Variants in MAST4 observed in about 807,000 individuals in gnomAD.
MAST4 encodes the protein microtubule associated serine/threonine kinase family member 4, also known as microtubule-associated serine/threonine-protein kinase 4.
A neutral mutation model predicts 162.7 loss-of-function variants in MAST4; 89 were observed. That is an observed-to-expected ratio of 0.55 (90% CI 0.46 to 0.65). The LOEUF is 0.65. Ranked by LOEUF, MAST4 falls within the 30% of genes least tolerant of loss-of-function variation. The pLI, the probability that MAST4 is intolerant of heterozygous loss-of-function variation, is 0.00. For missense variants in MAST4, 3,153 were observed against 3,374.0 expected, an observed-to-expected ratio of 0.93 and a Z score of 1.62; for synonymous variants, 1,479 against 1,361.1, an observed-to-expected ratio of 1.09 and a Z score of -1.91.
At chr5:66,784,945 G>A (rs750302353) in intron 2 of MAST4, among the ~76,000 whole-genome samples, 13 of 152,226 alleles carry the variant, frequency 8.5e-5, no homozygotes, top group South Asian at 2.1e-4. Context: ...TGAGCATAGC[G>A]GCTCATGCCT....
intron 3 of MAST4, among the ~76,000 whole-genome samples, chr5:66,813,388 C>T (rs1280554043): frequency 6.6e-6 from 1 of 152,118 alleles, no homozygotes; most frequent in Non-Finnish European, 1.5e-5. Flanking sequence ...GTGTATTTTT[C>T]CCTCCTTCAA....
rs1277714381 is a variant in MAST4, at chr5:66,788,773, G to A, written c.621G>A (p.Ala207=). The stretch of plus-strand genomic sequence containing the variant: ...GCAGCCAGGCCCTGGGCCAGTCGGC[G>A]CCCTCGCTCACCGCCAGCCTGGTGA... ...RMRSQALGQS[A]PSLTASLKEL... The change falls in exon 3 of 29, where the codon GCG becomes GCA. Residue 207 remains alanine (A), a synonymous_variant. Coordinates refer to ENST00000403625, the MANE Select transcript of MAST4 (RefSeq NM_001164664.2). 4.4e-6 allele frequency: 7 copies of A among 1,597,466 alleles called. No homozygotes were observed. The highest frequency in any genetic ancestry group is 1.1e-5 in the South Asian group (1 of 89,318).
At chr5:66,612,696 C>A (rs1743372031) in intron 1 of MAST4, among the ~76,000 whole-genome samples, 1 of 152,102 alleles carries the variant, frequency 6.6e-6, no homozygotes, top group Non-Finnish European at 1.5e-5. Flanking sequence ...GGGAGGGAAC[C>A]AACCTGATGG....
At chr5:67,098,428 T>C (rs1181685898) in intron 7 of MAST4, among the ~76,000 whole-genome samples, 1 of 152,176 alleles carries the variant, frequency 6.6e-6, no homozygotes. Flanking sequence ...TACTACAGAA[T>C]TGTATCAGTA....
At chr5:67,036,429 T>G (rs1045956869) in intron 4 of MAST4, among the ~76,000 whole-genome samples, 1 of 152,214 alleles carries the variant, frequency 6.6e-6, no homozygotes, top group African/African-American at 2.4e-5. Flanking sequence ...ATCACTATTA[T>G]GATTTATGTA....
chr5:66,679,355 A>G (rs942928885), intron 1 of MAST4, among the ~76,000 whole-genome samples: 5 of 151,994 alleles, frequency 3.3e-5, no homozygotes, highest in Admixed American at 2.6e-4. Flanking sequence ...AGTGGGGACA[A>G]CTCCTCAGTT....
At chr5:66,839,047 C>A (rs1003103289) in intron 3 of MAST4, among the ~76,000 whole-genome samples, 1 of 152,098 alleles carries the variant, frequency 6.6e-6, no homozygotes, top group African/African-American at 2.4e-5. Context: ...GTAGATGATG[C>A]TGCTGGACCG....
At chr5:66,912,774 T>G (rs1328001070) in intron 4 of MAST4, among the ~76,000 whole-genome samples, 1 of 152,212 alleles carries the variant, frequency 6.6e-6, no homozygotes, top group Non-Finnish European at 1.5e-5. Flanking sequence ...TGGTTGGTCA[T>G]ACCTTTAAGA....
chr5:66,845,113 A>ATT (rs1758736191), intron 3 of MAST4, among the ~76,000 whole-genome samples: 2 of 131,488 alleles, frequency 1.5e-5, no homozygotes, highest in South Asian at 5.2e-4. Context: ...ATATATATAT[A>ATT]TATATATATA....
At chr5:66,908,257 A>G (rs1479715123) in intron 4 of MAST4, among the ~76,000 whole-genome samples, 2 of 152,180 alleles carry the variant, frequency 1.3e-5, no homozygotes, top group Admixed American at 6.5e-5. Flanking sequence ...TGGGTAGGGA[A>G]GAGATTTAGG....
intron 4 of MAST4, among the ~76,000 whole-genome samples, chr5:67,049,375 G>C (rs1757889526): frequency 6.6e-6 from 1 of 152,040 alleles, no homozygotes; most frequent in African/African-American, 2.4e-5. Context: ...AAGAAATGGA[G>C]ACAGAAAGCT....
rs1285120314 is a variant in MAST4 at position 67,165,494 on chromosome 5, C to T, written c.6315C>T (p.Leu2105=). The T allele has an allele frequency of 2.5e-6, 4 of 1,613,866 alleles. No homozygotes were observed. The highest frequency in any genetic ancestry group is 3.3e-5 in the Admixed American group (2 of 60,004). The change falls in exon 29 of 29, where the codon CTC becomes CTT. Residue 2105 remains leucine (L), a synonymous_variant. Transcript: ENST00000403625. ...TTGAGAGTGAGAAGAGTGAAAAGCT[C>T]TCCAGTTTCCCATCTTTGCAGAAAG... ...PGIESEKSEK[L]SSFPSLQKDG... is the part of the protein sequence containing the mutation.
intron 2 of MAST4, among the ~76,000 whole-genome samples, chr5:66,766,334 A>G (rs1754094567): frequency 6.6e-6 from 1 of 152,172 alleles, no homozygotes; most frequent in Admixed American, 6.5e-5. Context: ...AAATCTATAT[A>G]TATGTGTATA....
chr5:66,733,443 T>G (rs1751979197), intron 1 of MAST4, among the ~76,000 whole-genome samples: 1 of 152,180 alleles, frequency 6.6e-6, no homozygotes, highest in Non-Finnish European at 1.5e-5. Flanking sequence ...TTCTGTAGGT[T>G]GGAACCCATG....
intron 1 of MAST4, among the ~76,000 whole-genome samples, chr5:66,601,511 T>G (rs1331713578): frequency 6.6e-6 from 1 of 152,098 alleles, no homozygotes; most frequent in Non-Finnish European, 1.5e-5. Flanking sequence ...AGTCACTGAG[T>G]CTGGTGTTAA....
intron 3 of MAST4, among the ~76,000 whole-genome samples, chr5:66,887,413 A>G (rs1762108284): frequency 6.6e-6 from 1 of 152,224 alleles, no homozygotes; most frequent in Non-Finnish European, 1.5e-5. Context: ...ATTTAGTACT[A>G]GCATTAGCTA....
chr5:66,676,598 C>G (rs115564816), intron 1 of MAST4, among the ~76,000 whole-genome samples: 93 of 152,240 alleles, frequency 6.1e-4, no homozygotes, highest in Non-Finnish European at 1.1e-3. Flanking sequence ...CAATATGAGA[C>G]AGTAAATATT....
intron 4 of MAST4, among the ~76,000 whole-genome samples, chr5:66,999,319 A>G (rs1014059917): frequency 2.0e-5 from 3 of 152,188 alleles, no homozygotes; most frequent in Non-Finnish European, 4.4e-5. Flanking sequence ...CTTGCAAGAC[A>G]TGATTCTGCA....
chr5:66,795,741 A>T (rs1381370626), intron 3 of MAST4, among the ~76,000 whole-genome samples: 1 of 152,220 alleles, frequency 6.6e-6, no homozygotes, highest in East Asian at 1.9e-4. Context: ...AAATCAGCTT[A>T]CCAAACCAAC....
Sources: allele counts gnomAD v4.1 joint callset (sites outside exome capture counted in the v4.1 genomes callset), GRCh38; gene constraint gnomAD v4.1.1; transcripts MANE v1.5; gene names NCBI Gene and HGNC (gene_info 2026-07-23, HGNC 2026-07-21).